Variants in MEIG1 observed in about 807,000 individuals in gnomAD.
MEIG1 encodes the protein meiosis expressed gene 1 protein homolog.
A neutral mutation model predicts 11.3 loss-of-function variants in MEIG1; 12 were observed. That is an observed-to-expected ratio of 1.07 (90% CI 0.68 to 1.73). The LOEUF is 1.73. Ranked by LOEUF, MEIG1 falls within the 40% of genes most tolerant of loss-of-function variation. MEIG1 has a pLI of 0.00. For synonymous variants in MEIG1, 41 were observed against 33.2 expected, an observed-to-expected ratio of 1.24 and a Z score of -0.81; for missense variants, 119 against 104.9, an observed-to-expected ratio of 1.13 and a Z score of -0.59.
chr10:14,984,690 G>C (rs1843300733), intron 1 of MEIG1, among the ~76,000 whole-genome samples: 1 of 152,052 alleles, frequency 6.6e-6, no homozygotes, highest in South Asian at 2.1e-4. Context: ...ATCACAGAGG[G>C]TGTACACTCT....
chr10:14,966,801 C>T (rs1020855372), intron 2 of MEIG1, among the ~76,000 whole-genome samples, 195 bp downstream of exon 2: 2 of 152,040 alleles, frequency 1.3e-5, no homozygotes, highest in Non-Finnish European at 2.9e-5. Context: ...AGTGCAGTGA[C>T]GCAATCTCGG....
intron 1 of MEIG1, among the ~76,000 whole-genome samples, chr10:14,959,917 G>A (rs1842992877): frequency 6.6e-6 from 1 of 152,230 alleles, no homozygotes; most frequent in African/African-American, 2.4e-5. Context: ...CTCCCACACA[G>A]TTAGTGATTT....
rs1843163518 is a variant in MEIG1, at chr10:14,972,517, A to G, written c.143A>G (p.Asp48Gly). The change falls in exon 3 of 3, where the codon GAT becomes GGT. Residue 48 changes from aspartate (D) to glycine (G), a missense_variant. Asp to Gly is a moderately conservative substitution (Grantham distance 94). Coordinates refer to ENST00000407572, the MANE Select transcript of MEIG1 (RefSeq NM_001080836.3). ...ACTCTGGTTCTTGATGTGCAGGTAG[A>G]TCGTTGGCCGGAGACAGGATATGTG... Reference protein sequence around the residue: ...YRQVKQVSMVDRWPETGYVKK... With the variant: ...YRQVKQVSMVGRWPETGYVKK... 6.2e-7 allele frequency: 1 copy of G among 1,613,946 alleles called. No individual in the cohort carries two copies. The highest frequency in any genetic ancestry group is 1.3e-5 in the African/African-American group (1 of 74,920).
intron 2 of MEIG1, among the ~76,000 whole-genome samples, chr10:14,966,958 T>C (rs968700816): frequency 6.6e-6 from 1 of 152,126 alleles, no homozygotes; most frequent in Admixed American, 6.6e-5. Flanking sequence ...GGTCTTGAAC[T>C]CCTGACCTCA....
chr10:14,983,708 A>AT lies in MEIG1; in HGVS notation n.67-3082dup, dbSNP rs144901462. Among the ~76,000 whole-genome samples the AT allele has an allele frequency of 3.4e-3, 512 of 152,156 alleles. 3 individuals carry two copies. Among genetic ancestry groups the AT allele is most frequent in the Non-Finnish European group, 4.2e-3 (285 of 67,982 alleles). ...AGGAGGTGTACACCCACTCTGTGAT[A>AT]TTTTTTGTAATGTGCAGGGCGGGGG... On this transcript the variant is annotated intron_variant and non_coding_transcript_variant, in intron 1 of 2. Coordinates refer to the MEIG1 transcript ENST00000467536.
chr10:14,968,858 C>T (rs191160211), intron 2 of MEIG1, among the ~76,000 whole-genome samples: 188 of 152,244 alleles, frequency 1.2e-3, no homozygotes, highest in Non-Finnish European at 2.3e-3. Context: ...GCAGGTGGAT[C>T]ATCTGAGGTT....
intron 1 of MEIG1, among the ~76,000 whole-genome samples, chr10:14,978,511 A>G (rs1176106839): frequency 6.6e-6 from 1 of 152,014 alleles, no homozygotes; most frequent in Admixed American, 6.6e-5. Flanking sequence ...ACCCTGTGAT[A>G]TTATTCACAG....
downstream of MEIG1, among the ~76,000 whole-genome samples, chr10:14,974,326 A>G (rs193105661): frequency 8.2e-3 from 1,251 of 152,274 alleles, 9 homozygotes; most frequent in Middle Eastern, 0.048. Context: ...ACCGGTGGCA[A>G]TCAGCCCAGG....
chr10:14,971,775 A>G (rs766167846), intron 2 of MEIG1, among the ~76,000 whole-genome samples: 3 of 152,180 alleles, frequency 2.0e-5, no homozygotes, highest in Non-Finnish European at 4.4e-5. Flanking sequence ...TGAAGTTTAG[A>G]TTACTTGGAA....
At chr10:14,965,709 AGAGAGAGG>A (rs1384990401) in intron 1 of MEIG1, among the ~76,000 whole-genome samples, 9 of 21,490 alleles carry the variant, frequency 4.2e-4, no homozygotes, top group Middle Eastern at 0.036. Context: ...AGAGAGAGAG[AGAGAGAGG>A]TGCAGCTTTG....
At chr10:14,965,393 T>C (rs909821454) in intron 1 of MEIG1, among the ~76,000 whole-genome samples, 2 of 152,204 alleles carry the variant, frequency 1.3e-5, no homozygotes, top group African/African-American at 2.4e-5. Context: ...TTACATGAAC[T>C]AAAGTCGTAT....
At chr10:14,960,760 C>T (rs1843003345) in intron 1 of MEIG1, among the ~76,000 whole-genome samples, 1 of 151,912 alleles carries the variant, frequency 6.6e-6, no homozygotes, top group Non-Finnish European at 1.5e-5. Context: ...GGCGTGGTGG[C>T]TCACCCCTGT....
At chr10:14,985,837 G>GTA (rs1843313158) in intron 1 of MEIG1, among the ~76,000 whole-genome samples, 1 of 152,022 alleles carries the variant, frequency 6.6e-6, no homozygotes, top group Non-Finnish European at 1.5e-5. Flanking sequence ...CACACATAGT[G>GTA]TATACCCTGT....
downstream of MEIG1, among the ~76,000 whole-genome samples, chr10:14,974,162 T>C (rs919098483): frequency 6.6e-6 from 1 of 152,162 alleles, no homozygotes; most frequent in African/African-American, 2.4e-5. Flanking sequence ...ATCCTCTCTT[T>C]CATGTGGGTC....
At chr10:14,979,689 G>C (rs1843245526) in intron 1 of MEIG1, among the ~76,000 whole-genome samples, 1 of 152,006 alleles carries the variant, frequency 6.6e-6, no homozygotes, top group Non-Finnish European at 1.5e-5. Flanking sequence ...ATATCCTAAA[G>C]AGATGTTATC....
In MEIG1 at chr10:14,959,459, A is replaced by G. The variant is rs1842985515; in HGVS notation, c.-128A>G. On this transcript the variant is annotated 5_prime_UTR_variant, in exon 1 of 3. Transcript: ENST00000407572. ...CTGGCCCTGCTCGCGGATCCCGAGT[A>G]GAGAACGCAAGCACCCACGCCCGCC... is the stretch of plus-strand genomic sequence containing the variant. 6.6e-6 allele frequency: 1 copy of G among 152,598 alleles called. No homozygotes were observed. Among genetic ancestry groups the G allele is most frequent in the Admixed American group, 6.5e-5 (1 of 15,290 alleles). 9.5% of individuals were successfully genotyped at this position (152,598 alleles called of 1,614,324 possible).
intron 1 of MEIG1, among the ~76,000 whole-genome samples, chr10:14,960,581 G>T (rs937841917): frequency 2.0e-5 from 3 of 151,974 alleles, no homozygotes; most frequent in Non-Finnish European, 4.4e-5. Context: ...ACGATGCCCG[G>T]CTAATTTTTT....
At chr10:14,967,340 CA>C (rs34762446) in intron 2 of MEIG1, among the ~76,000 whole-genome samples, 14,102 of 152,000 alleles carry the variant, frequency 0.093, 1,355 homozygotes, top group East Asian at 0.31. Flanking sequence ...ACCTTACAAA[CA>C]AAAGTGTTAG....
At chr10:14,987,219 C>G in intron 2 of MEIG1, 1 of 959,836 alleles carries the variant, frequency 1.0e-6, no homozygotes. Context: ...GAAGTGAACC[C>G]GATGTCAGCC....
Sources: allele counts gnomAD v4.1 joint callset (sites outside exome capture counted in the v4.1 genomes callset), GRCh38; gene constraint gnomAD v4.1.1; transcripts MANE v1.5; gene names NCBI Gene and HGNC (gene_info 2026-07-23, HGNC 2026-07-21).